Variants in FANCL observed in about 807,000 individuals in gnomAD.
FANCL encodes the protein E3 ubiquitin-protein ligase FANCL.
In FANCL, 69 loss-of-function variants were observed where a neutral mutation model predicts 59.4. The ratio of observed to expected loss-of-function variants is 1.16; its 90% CI spans 0.96 to 1.42. The LOEUF (loss-of-function observed/expected upper bound fraction) is 1.42. FANCL is among the 40% of genes most tolerant of loss of function. The probability of loss-of-function intolerance (pLI) is 0.00; values close to 1 mark genes in which losing one functional copy is unlikely to be tolerated. For missense variants in FANCL, 519 were observed against 447.2 expected (o/e 1.16, Z -1.45); for synonymous variants, 180 against 147.1 (o/e 1.22, Z -1.62).
At chr2:58,225,513 T>C (rs1359599467) in intron 4 of FANCL, among the ~76,000 whole-genome samples, 1 of 151,980 alleles carries the variant, frequency 6.6e-6, no homozygotes, top group Non-Finnish European at 1.5e-5. Context: ...TAGGTGACAG[T>C]CTGATGGGAA....
chr2:58,204,467 T>TG lies in FANCL; in HGVS notation c.375-242dup, dbSNP rs375483641. On this transcript the variant is annotated intron_variant, in intron 5 of 13. Coordinates refer to ENST00000233741, the MANE Select transcript of FANCL (RefSeq NM_018062.4). Reference sequence around the variant, plus strand: ...TATTTACAATGTGTGTCAAGGCTCATGCTGTGGTCAGTGAGCACTATGTTT... The same window carrying TG: ...TATTTACAATGTGTGTCAAGGCTCATGGCTGTGGTCAGTGAGCACTATGTTT... 2.8e-3 allele frequency among the ~76,000 whole-genome samples: 432 copies of TG among 152,244 alleles called. 1 individual carries two copies. The highest frequency in any genetic ancestry group is 0.01 in the African/African-American group (417 of 41,572).
intron 4 of FANCL, among the ~76,000 whole-genome samples, chr2:58,223,947 C>G (rs1692723378): frequency 6.6e-6 from 1 of 151,786 alleles, no homozygotes; most frequent in Non-Finnish European, 1.5e-5. Context: ...CAGCCTAACA[C>G]TAATAATTCT....
chr2:58,175,212 G>A (rs1381284103), intron 7 of FANCL, among the ~76,000 whole-genome samples: 1 of 147,580 alleles, frequency 6.8e-6, no homozygotes, highest in Non-Finnish European at 1.5e-5. Flanking sequence ...GGTACAAGGA[G>A]GAACTGGTAC....
intron 7 of FANCL, among the ~76,000 whole-genome samples, chr2:58,190,201 C>G (rs1364127492): frequency 6.6e-6 from 1 of 151,910 alleles, no homozygotes; most frequent in East Asian, 1.9e-4. Context: ...CATATCACCT[C>G]TTCTATACTT....
chr2:58,172,235 T>C (rs1032746553), intron 7 of FANCL, among the ~76,000 whole-genome samples: 3 of 152,156 alleles, frequency 2.0e-5, no homozygotes, highest in Admixed American at 2.0e-4. Flanking sequence ...TCCGACAGCT[T>C]TGAAGAGAGC....
At chr2:58,171,543 T>TA (rs1022458998) in intron 7 of FANCL, among the ~76,000 whole-genome samples, 15 of 151,758 alleles carry the variant, frequency 9.9e-5, no homozygotes, top group Non-Finnish European at 2.2e-4. Flanking sequence ...CTGAAGGAGA[T>TA]AGAGACACGA....
chr2:58,173,102 A>G (rs746300656), intron 7 of FANCL, among the ~76,000 whole-genome samples: 5 of 152,200 alleles, frequency 3.3e-5, no homozygotes, highest in Non-Finnish European at 5.9e-5. Flanking sequence ...GAATAACAAG[A>G]AACGAACAAA....
intron 7 of FANCL, among the ~76,000 whole-genome samples, chr2:58,195,934 T>C (rs1429696365): frequency 6.6e-6 from 1 of 152,140 alleles, no homozygotes; most frequent in Admixed American, 6.6e-5. Flanking sequence ...AAAAGTCTCA[T>C]ACATGTGCAC....
intron 7 of FANCL, among the ~76,000 whole-genome samples, chr2:58,197,245 T>C (rs987189800): frequency 2.6e-5 from 4 of 151,980 alleles, no homozygotes; most frequent in African/African-American, 7.2e-5. Context: ...TTGACAAGAC[T>C]ATTTAAATCC....
intron 7 of FANCL, among the ~76,000 whole-genome samples, chr2:58,173,251 G>T (rs1428975126): frequency 6.6e-6 from 1 of 152,108 alleles, no homozygotes; most frequent in Non-Finnish European, 1.5e-5. Context: ...AATCTAGCAA[G>T]GCAGGCCAAC....
At chr2:58,184,150 C>A (rs534070331) in intron 7 of FANCL, among the ~76,000 whole-genome samples, 1 of 151,944 alleles carries the variant, frequency 6.6e-6, no homozygotes, top group Non-Finnish European at 1.5e-5. Flanking sequence ...ATTACCAATT[C>A]TTGTTTATAA....
intron 5 of FANCL, among the ~76,000 whole-genome samples, chr2:58,217,314 G>A (rs1691937642): frequency 6.8e-6 from 1 of 147,944 alleles, no homozygotes; most frequent in African/African-American, 2.5e-5. Context: ...TTCCACATCT[G>A]TTCACTGGGC....
chr2:58,239,157 C>G (rs1465498822), intron 1 of FANCL, among the ~76,000 whole-genome samples: 6 of 152,122 alleles, frequency 3.9e-5, no homozygotes, highest in Non-Finnish European at 8.8e-5. Flanking sequence ...TCAATGGACG[C>G]TAAAACCAGA....
At chr2:58,207,692 G>A (rs1353187155) in intron 5 of FANCL, among the ~76,000 whole-genome samples, 2 of 152,130 alleles carry the variant, frequency 1.3e-5, no homozygotes, top group Non-Finnish European at 2.9e-5. Context: ...GGTGTTTGGT[G>A]TATGGAAGAG....
chr2:58,179,289 A>C (rs1271392961), intron 7 of FANCL, among the ~76,000 whole-genome samples: 2 of 152,124 alleles, frequency 1.3e-5, no homozygotes, highest in African/African-American at 2.4e-5. Flanking sequence ...AATCCTAAGC[A>C]AAAAGAACAA....
intron 7 of FANCL, among the ~76,000 whole-genome samples, chr2:58,168,581 G>A (rs745819715): frequency 1.3e-4 from 19 of 151,992 alleles, no homozygotes; most frequent in Non-Finnish European, 2.1e-4. Flanking sequence ...AGTGGCGCCT[G>A]CAACACCAGC....
chr2:58,190,165 T>G lies in FANCL; in HGVS notation c.540+8429A>C, dbSNP rs150545505. Among the ~76,000 whole-genome samples, 613 of 152,100 alleles carry G rather than the reference T, an allele frequency of 4.0e-3. 4 individuals carry two copies. The highest frequency in any genetic ancestry group is 0.014 in the Admixed American group (214 of 15,266). On this transcript the variant is annotated intron_variant, in intron 7 of 13. Coordinates refer to ENST00000233741, the MANE Select transcript of FANCL (RefSeq NM_018062.4). ...ACTGAATTTGTCTGGTCAAACACTG[T>G]TATCTGTCAAGCAATCCGTAAAGAA...
chr2:58,214,989 T>C (rs367803579), intron 5 of FANCL, among the ~76,000 whole-genome samples: 17 of 152,226 alleles, frequency 1.1e-4, no homozygotes, highest in East Asian at 1.9e-4. Context: ...TCCACTGAGG[T>C]AGGCTGCCTC....
At chr2:58,187,768 G>T (rs746936184) in intron 7 of FANCL, among the ~76,000 whole-genome samples, 1 of 152,052 alleles carries the variant, frequency 6.6e-6, no homozygotes, top group Non-Finnish European at 1.5e-5. Flanking sequence ...AATCTAGAAC[G>T]TGTGTATACA....
Sources: allele counts gnomAD v4.1 joint callset (sites outside exome capture counted in the v4.1 genomes callset), GRCh38; gene constraint gnomAD v4.1.1; transcripts MANE v1.5; gene names NCBI Gene and HGNC (gene_info 2026-07-23, HGNC 2026-07-21).